The following KCNIP3 variants were observed in gnomAD, a reference collection of about 807,000 sequenced individuals.
KCNIP3 encodes the protein calsenilin.
A neutral mutation model predicts 35.0 loss-of-function variants in KCNIP3; 28 were observed. The ratio of observed to expected loss-of-function variants is 0.80; its 90% CI spans 0.59 to 1.10. The LOEUF (loss-of-function observed/expected upper bound fraction) is 1.10. Among genes scored for constraint, KCNIP3 ranks in the 50% least tolerant of loss-of-function variants. The pLI, the probability that KCNIP3 is intolerant of heterozygous loss-of-function variation, is 0.00. For missense variants in KCNIP3, 295 were observed against 338.4 expected (o/e 0.87, Z 1.01); for synonymous variants, 134 against 133.8 (o/e 1.00, Z -0.01).
intron 1 of KCNIP3, chr2:95,302,941 C>G (rs1678075708): frequency 1.3e-5 from 2 of 152,776 alleles, no homozygotes; most frequent in African/African-American, 4.8e-5. Context: ...AGCGATGCAT[C>G]TTGCCCATGC....
chr2:95,378,320 G>A lies in KCNIP3; in HGVS notation c.447+3112G>A, dbSNP rs140101210. On this transcript the variant is annotated intron_variant, in intron 5 of 8. Coordinates refer to ENST00000295225, the MANE Select transcript of KCNIP3 (RefSeq NM_013434.5). This position sits in a 1 kb window ranked among gnomAD's most constrained non-coding sequence, Gnocchi z 4.0. ...TTATTTTAATTGTTGTAGATGCAAG[G>A]TCTCACTATGTTGTCCAGGCTAGTC... Among the ~76,000 whole-genome samples, 105 of 151,962 alleles carry A rather than the reference G, an allele frequency of 6.9e-4. No homozygotes were observed. Among genetic ancestry groups the A allele is most frequent in the African/African-American group, 2.4e-3 (99 of 41,474 alleles).
At chr2:95,315,948 G>A (rs546137603) in intron 2 of KCNIP3, among the ~76,000 whole-genome samples, 68 of 152,368 alleles carry the variant, frequency 4.5e-4, no homozygotes, top group African/African-American at 1.1e-3. Context: ...GGGGCTGGGC[G>A]AGAGGTTGAT....
At chr2:95,342,644 C>T (rs1252917589) in intron 2 of KCNIP3, among the ~76,000 whole-genome samples, 1 of 152,178 alleles carries the variant, frequency 6.6e-6, no homozygotes, top group African/African-American at 2.4e-5. Context: ...TGTGTTTTCT[C>T]CTGAGGTGAC....
At chr2:95,329,533 T>C (rs987775588) in intron 2 of KCNIP3, among the ~76,000 whole-genome samples, 2 of 152,228 alleles carry the variant, frequency 1.3e-5, no homozygotes, top group Admixed American at 6.5e-5. Flanking sequence ...GTGATCAAGC[T>C]GGTAGGGCCC....
chr2:95,375,118 C>CT lies in KCNIP3; in HGVS notation c.377-19dup, dbSNP rs1558778289. The CT allele has an allele frequency of 1.2e-6, 2 of 1,613,372 alleles. No individual in the cohort carries two copies. The highest frequency in any genetic ancestry group is 1.7e-6 in the Non-Finnish European group (2 of 1,179,412). On this transcript the variant is annotated intron_variant, in intron 4 of 8. Transcript: ENST00000295225. ...CCAGGCAGCCCCGACACACCCCAGC[C>CT]TCTTCCTTGCCCTCCCCAGATGCCA...
chr2:95,327,228 C>A (rs1169954271), intron 2 of KCNIP3, among the ~76,000 whole-genome samples: 1 of 152,202 alleles, frequency 6.6e-6, no homozygotes, highest in Non-Finnish European at 1.5e-5. Flanking sequence ...ACTAACCATG[C>A]CCACCTTGTC....
intron 2 of KCNIP3, among the ~76,000 whole-genome samples, chr2:95,329,949 C>G (rs377591856): frequency 8.5e-5 from 13 of 152,368 alleles, no homozygotes; most frequent in Non-Finnish European, 1.5e-4. Context: ...TCTGGTCCCC[C>G]TCTCGTCCCC....
At chr2:95,324,215 T>C (rs1477414896) in intron 2 of KCNIP3, among the ~76,000 whole-genome samples, 1 of 152,192 alleles carries the variant, frequency 6.6e-6, no homozygotes, top group Non-Finnish European at 1.5e-5. Flanking sequence ...CAGAAGTTTT[T>C]CTTAATAACG....
At chr2:95,354,142 TG>T (rs1679595621) in intron 2 of KCNIP3, among the ~76,000 whole-genome samples, 1 of 152,192 alleles carries the variant, frequency 6.6e-6, no homozygotes, top group Admixed American at 6.5e-5. Context: ...CCATCTCCCC[TG>T]GGAACTCTCC....
At chr2:95,383,131 ACCCGCCCATCCACCCAC>A (rs1680389952) in intron 7 of KCNIP3, 84 bp from the exon 8 acceptor site, 1 of 295,836 alleles carries the variant, frequency 3.4e-6, no homozygotes, top group Admixed American at 4.5e-5. Flanking sequence ...CCATCCACCC[ACCCGCCCATCCACCCAC>A]CCATGACTTC....
chr2:95,302,202 G>A lies in KCNIP3; in HGVS notation c.15+4749G>A, dbSNP rs576747250. Among the ~76,000 whole-genome samples the A allele has an allele frequency of 1.3e-3, 195 of 152,270 alleles. 2 individuals are homozygous for A. Among genetic ancestry groups the A allele is most frequent in the Admixed American group, 2.6e-3 (40 of 15,306 alleles). ...CCGTGGACAGGGTGGGGGGTGGGGAGCCCCACATCTGAGTAGCCTGGATGT... is the reference window on the plus strand; with the variant it reads ...CCGTGGACAGGGTGGGGGGTGGGGAACCCCACATCTGAGTAGCCTGGATGT... On this transcript the variant is annotated intron_variant, in intron 1 of 8. Transcript: ENST00000295225.
intron 1 of KCNIP3, among the ~76,000 whole-genome samples, chr2:95,302,692 G>A (rs756036886): frequency 6.6e-6 from 1 of 152,174 alleles, no homozygotes; most frequent in Non-Finnish European, 1.5e-5. Context: ...GAGCTGTCAG[G>A]TTCTCTGTCA....
intron 2 of KCNIP3, among the ~76,000 whole-genome samples, chr2:95,337,545 G>A (rs1320477430): frequency 6.6e-6 from 1 of 152,160 alleles, no homozygotes; most frequent in East Asian, 1.9e-4. Flanking sequence ...AACAGTTGAG[G>A]CTATAGCCCT....
chr2:95,378,217 G>C lies in KCNIP3; in HGVS notation c.447+3009G>C, dbSNP rs1267804753. Among the ~76,000 whole-genome samples, 1 of 152,050 alleles carries C rather than the reference G, an allele frequency of 6.6e-6. No individual in the cohort carries two copies. Among genetic ancestry groups the C allele is most frequent in the Non-Finnish European group, 1.5e-5 (1 of 67,994 alleles). On this transcript the variant is annotated intron_variant, in intron 5 of 8. Transcript: ENST00000295225. The surrounding 1 kb of genome is among the most constrained non-coding windows in gnomAD (Gnocchi z 4.0). ...AGCTCATTGCAGCCTCGACCTCCTG[G>C]CCTCAAGTGATCCTCCTACCCCAGC...
intron 5 of KCNIP3, 102 bp downstream of exon 5, chr2:95,375,310 C>T: frequency 2.7e-6 from 3 of 1,096,300 alleles, no homozygotes; most frequent in Non-Finnish European, 4.1e-6. Flanking sequence ...AGCCATGGTC[C>T]TGGGTGGGAA....
intron 2 of KCNIP3, among the ~76,000 whole-genome samples, chr2:95,330,381 G>A (rs1456369028): frequency 1.3e-5 from 2 of 152,148 alleles, no homozygotes; most frequent in Non-Finnish European, 2.9e-5. Flanking sequence ...GCCTCTGAGG[G>A]CCATCCCATA....
chr2:95,361,778 AC>A (rs1679805049), intron 2 of KCNIP3, among the ~76,000 whole-genome samples: 1 of 152,192 alleles, frequency 6.6e-6, no homozygotes, highest in Non-Finnish European at 1.5e-5. Context: ...CCTCCCATGC[AC>A]AGGCACTGTT....
chr2:95,361,538 C>G (rs1679798823), intron 2 of KCNIP3, among the ~76,000 whole-genome samples: 1 of 152,194 alleles, frequency 6.6e-6, no homozygotes, highest in African/African-American at 2.4e-5. Context: ...GACCCCAGTT[C>G]ACCTGCTGTC....
intron 2 of KCNIP3, among the ~76,000 whole-genome samples, chr2:95,356,778 A>G (rs1443194326): frequency 6.6e-6 from 1 of 152,224 alleles, no homozygotes; most frequent in Non-Finnish European, 1.5e-5. Context: ...GAAGTCAGGT[A>G]GCATGACGCC....
Sources: gnomAD v4.1 joint callset for allele counts (sites outside exome capture counted in the v4.1 genomes callset) on GRCh38, gnomAD v4.1.1 for gene constraint, Gnocchi (gnomAD v3.1) non-coding constraint, MANE v1.5 for transcripts, NCBI Gene and HGNC (gene_info 2026-07-23, HGNC 2026-07-21) for gene names.